CPVL: variants seen among roughly 807,000 people sequenced by gnomAD.
CPVL encodes the protein probable serine carboxypeptidase CPVL.
In CPVL, 51 loss-of-function variants were observed where a neutral mutation model predicts 63.7. The observed-to-expected ratio is 0.80, with a 90% CI of 0.64 to 1.01. CPVL has a LOEUF of 1.01. Among genes scored for constraint, CPVL ranks in the 50% least tolerant of loss-of-function variants. The pLI, the probability that CPVL is intolerant of heterozygous loss-of-function variation, is 0.00. For missense variants in CPVL, 530 were observed against 573.1 expected, an observed-to-expected ratio of 0.92 and a Z score of 0.77; for synonymous variants, 195 against 206.0, an observed-to-expected ratio of 0.95 and a Z score of 0.46.
chr7:29,146,181 AC>A, intron 1 of CPVL: 1 of 160,682 alleles, frequency 6.2e-6, no homozygotes, highest in East Asian at 1.8e-4. Flanking sequence ...CCCGGGTGCG[AC>A]AGTTGTGCCA....
At chr7:29,096,984 CAAAAAAA>C (rs1165892123) in intron 3 of CPVL, among the ~76,000 whole-genome samples, 4 of 51,222 alleles carry the variant, frequency 7.8e-5, no homozygotes, top group East Asian at 5.3e-4. Context: ...GACTCTGTCT[CAAAAAAA>C]AAAAAAAAAA....
intron 1 of CPVL, among the ~76,000 whole-genome samples, chr7:29,125,644 C>T (rs1584336579): frequency 6.6e-6 from 1 of 152,072 alleles, no homozygotes; most frequent in Non-Finnish European, 1.5e-5. Flanking sequence ...CCACCCGCCT[C>T]GGCCTCCCAA....
At position 29,103,254 on chromosome 7, in the gene CPVL, T is replaced by G. The variant is rs56929201; in HGVS notation, c.289-7037A>C. ...GAAACATAATTGTTGTTTTGTTTTT[T>G]TTTTTTTTTGAGATGGAGGCTTGCT... On this transcript the variant is annotated intron_variant, in intron 3 of 12. Transcript: ENST00000265394. Among the ~76,000 whole-genome samples the G allele has an allele frequency of 2.4e-3, 360 of 149,782 alleles. 3 individuals are homozygous for G. The highest frequency in any genetic ancestry group is 5.7e-3 in the African/African-American group (230 of 40,520).
At chr7:29,147,619 G>A (rs1482253905), upstream of CPVL, among the ~76,000 whole-genome samples, 3 of 152,140 alleles carry the variant, frequency 2.0e-5, no homozygotes, top group Non-Finnish European at 4.4e-5. Flanking sequence ...CTCAGTGACT[G>A]CAGTCATTCT....
At chr7:29,156,552 G>C (rs769311393) in intron 5 of CPVL, among the ~76,000 whole-genome samples, 1 of 152,114 alleles carries the variant, frequency 6.6e-6, no homozygotes, top group Non-Finnish European at 1.5e-5. Flanking sequence ...TTTGCCCTGA[G>C]GCATCTGAAG....
At chr7:29,032,309 G>A (rs1218423804) in intron 11 of CPVL, among the ~76,000 whole-genome samples, 1 of 152,044 alleles carries the variant, frequency 6.6e-6, no homozygotes, top group Non-Finnish European at 1.5e-5. Context: ...AGATGAAAGA[G>A]CCCTGGGCCC....
chr7:29,139,569 T>TA (rs1791631839), intron 1 of CPVL, among the ~76,000 whole-genome samples: 4 of 152,210 alleles, frequency 2.6e-5, no homozygotes, highest in Admixed American at 2.6e-4. Context: ...TTAAATTACA[T>TA]GTTTTTTAAG....
chr7:29,194,458 G>C (rs1304282421), intron 1 of CPVL: 1 of 155,160 alleles, frequency 6.4e-6, no homozygotes, highest in Non-Finnish European at 1.4e-5. Context: ...GAGGGAGAAG[G>C]GGGAGGTCGC....
rs766574414 is a variant in CPVL at position 29,120,948 on chromosome 7, G to T, written c.114C>A (p.Asp38Glu). 4 of 1,613,818 alleles carry T rather than the reference G, an allele frequency of 2.5e-6. No individual in the cohort carries two copies. The South Asian group carries it at 4.4e-5, about 18-fold the overall frequency. ...YRSVSMPPKG[D>E]SGQPLFLTPY... is the part of the protein sequence containing the mutation. ...GGGTGAGAAATAATGGCTGTCCTGA[G>T]TCTCCCTTAGGTGGCATGGAAACAC... Residue 38 changes from aspartate to glutamate, a missense_variant, in exon 2 of 13, where the codon GAC (aspartate) becomes GAA (glutamate). By Grantham distance (45) the Asp-to-Glu change is conservative (BLOSUM62 2). Coordinates refer to ENST00000265394, the MANE Select transcript of CPVL (RefSeq NM_031311.5).
At chr7:29,089,598 T>C (rs969339855) in intron 6 of CPVL, among the ~76,000 whole-genome samples, 4 of 152,146 alleles carry the variant, frequency 2.6e-5, no homozygotes, top group African/African-American at 9.7e-5. Context: ...CAGTTTACCA[T>C]TGTGATGGCA....
At chr7:29,037,552 CAAAA>C (rs35631871) in intron 11 of CPVL, among the ~76,000 whole-genome samples, 2 of 56,374 alleles carry the variant, frequency 3.5e-5, no homozygotes, top group African/African-American at 8.2e-5. Flanking sequence ...GACTCCATCT[CAAAA>C]AAAAAAAAAA....
At chr7:29,124,063 G>C (rs1019239235) in intron 1 of CPVL, among the ~76,000 whole-genome samples, 3 of 152,102 alleles carry the variant, frequency 2.0e-5, no homozygotes, top group Non-Finnish European at 2.9e-5. Context: ...TCAACAGTCA[G>C]AATTCCTGAA....
intron 11 of CPVL, among the ~76,000 whole-genome samples, chr7:29,060,711 GA>G (rs1436391681): frequency 1.3e-5 from 2 of 152,294 alleles, no homozygotes; most frequent in Admixed American, 6.5e-5. Flanking sequence ...CGTAATTCCA[GA>G]AACCCAGGAA....
intron 1 of CPVL, among the ~76,000 whole-genome samples, chr7:29,190,937 T>C (rs960040765): frequency 9.2e-5 from 13 of 141,860 alleles, no homozygotes; most frequent in African/African-American, 3.5e-4. Context: ...CCCACCATGC[T>C]TTTTTTTTTT....
intron 1 of CPVL, among the ~76,000 whole-genome samples, chr7:29,188,057 CAG>C (rs146967044): frequency 1.9e-3 from 282 of 152,234 alleles, no homozygotes; most frequent in African/African-American, 5.9e-3. Context: ...GGTGATGTAA[CAG>C]GGGGGTGGTA....
upstream of CPVL, chr7:29,146,946 C>G: frequency 1.9e-6 from 3 of 1,551,104 alleles, no homozygotes; most frequent in Non-Finnish European, 2.6e-6. Context: ...GGTCTACATT[C>G]CAGCTGCACT....
chr7:29,152,764 C>T (rs1793777728), intron 5 of CPVL, among the ~76,000 whole-genome samples: 1 of 152,196 alleles, frequency 6.6e-6, no homozygotes. Context: ...TTCGGTGCAC[C>T]CCATTGTTAA....
intron 8 of CPVL, among the ~76,000 whole-genome samples, 154 bp downstream of exon 8, chr7:29,072,147 T>G (rs1165278421): frequency 6.6e-6 from 1 of 152,132 alleles, no homozygotes; most frequent in Admixed American, 6.6e-5. Flanking sequence ...ATTGATACGT[T>G]GAAACATTTG....
At chr7:29,124,896 G>C (rs910356461) in intron 1 of CPVL, 2 of 151,972 alleles carry the variant, frequency 1.3e-5, no homozygotes, top group Non-Finnish European at 2.9e-5. Context: ...GGCAGAAAAA[G>C]TGCTTATTCC....
Sources: gnomAD v4.1 joint callset for allele counts (sites outside exome capture counted in the v4.1 genomes callset) on GRCh38, gnomAD v4.1.1 for gene constraint, MANE v1.5 for transcripts, NCBI Gene and HGNC (gene_info 2026-07-23, HGNC 2026-07-21) for gene names.